Variants in GMEB2 observed in about 807,000 individuals in gnomAD.
GMEB2 encodes the protein glucocorticoid modulatory element binding protein 2.
Under a neutral mutation model 45.7 loss-of-function variants are expected in GMEB2, and 7 were observed. The observed-to-expected ratio is 0.15, with a 90% confidence interval of 0.09 to 0.29. The LOEUF (loss-of-function observed/expected upper bound fraction) is 0.29. Among genes scored for constraint, GMEB2 ranks in the 10% least tolerant of loss-of-function variants. The pLI, the probability that GMEB2 is intolerant of heterozygous loss-of-function variation, is 1.00. For missense variants in GMEB2, 582 were observed against 739.2 expected, an observed-to-expected ratio of 0.79 and a Z score of 2.47; for synonymous variants, 322 against 323.6, an observed-to-expected ratio of 1.00 and a Z score of 0.05.
At chr20:63,621,218 T>C (rs1197107569) in intron 1 of GMEB2, among the ~76,000 whole-genome samples, 2 of 151,562 alleles carry the variant, frequency 1.3e-5, no homozygotes, top group Non-Finnish European at 2.9e-5. Flanking sequence ...AGAAAGAAAG[T>C]AGAACAGAAG....
chr20:63,603,623 G>A (rs537910975), intron 3 of GMEB2, among the ~76,000 whole-genome samples: 2 of 152,242 alleles, frequency 1.3e-5, no homozygotes. Context: ...CAGCTACTGG[G>A]AAGGCTGAGG....
chr20:63,606,386 C>T (rs1379242679), intron 2 of GMEB2, among the ~76,000 whole-genome samples: 2 of 141,708 alleles, frequency 1.4e-5, no homozygotes, highest in Non-Finnish European at 3.0e-5. Context: ...CTCGCTCTGT[C>T]GCTCAGGCTG....
In GMEB2 at chr20:63,593,182, CATCT is replaced by C. The variant is rs2083165102; in HGVS notation, c.620-104_620-101del. The C allele has an allele frequency of 1.4e-6, 1 of 722,790 alleles. No individual in the cohort carries two copies. Among genetic ancestry groups the C allele is most frequent in the Admixed American group, 2.1e-5 (1 of 48,140 alleles). The allele number at this position is 722,790 out of a possible 1,614,324, so 44.8% of individuals were successfully genotyped here. ...CCTCACACCACCTTCTGAACCTTTC[CATCT>C]GTCTTCACAAAACTGACAAACACAG... is the stretch of plus-strand genomic sequence containing the variant. On this transcript the variant is annotated intron_variant, in intron 6 of 9. Coordinates refer to ENST00000370077, the MANE Select transcript of GMEB2 (RefSeq NM_012384.5). This position sits in a 1 kb window ranked among gnomAD's most constrained non-coding sequence, Gnocchi z 4.7.
At position 63,592,252 on chromosome 20, in the gene GMEB2, G is replaced by A. The variant is rs1231338698; in HGVS notation, c.830-108C>T. 21 of 1,056,392 alleles carry A rather than the reference G, an allele frequency of 2.0e-5. No individual in the cohort carries two copies. Among genetic ancestry groups the A allele is most frequent in the South Asian group, 4.5e-5 (3 of 66,436 alleles). 65.4% of individuals were successfully genotyped at this position (1,056,392 alleles called of 1,614,324 possible). A position where few individuals can be genotyped will look rare whatever the true frequency, so the allele number is the denominator to read the frequency against. On this transcript the variant is annotated intron_variant, in intron 8 of 9. Coordinates refer to ENST00000370077, the MANE Select transcript of GMEB2 (RefSeq NM_012384.5). The surrounding 1 kb of genome is among the most constrained non-coding windows in gnomAD (Gnocchi z 8.2). ...TTCCTAGAGAGTCACGTGGACGCTC[G>A]GTGAGAGCCTGGGCTCTTCCTAGAG...
chr20:63,617,848 G>C (rs1436767831), intron 2 of GMEB2, among the ~76,000 whole-genome samples: 1 of 152,074 alleles, frequency 6.6e-6, no homozygotes, highest in Admixed American at 6.5e-5. Flanking sequence ...ACGCCTGGGT[G>C]GGTGACACGA....
intron 5 of GMEB2, among the ~76,000 whole-genome samples, 196 bp from the exon 6 acceptor site, chr20:63,595,963 C>T (rs1350444993): frequency 6.6e-6 from 1 of 152,222 alleles, no homozygotes; most frequent in Non-Finnish European, 1.5e-5. Context: ...GAAGAAGCAG[C>T]CGGCCCAGGC....
At position 63,619,808 on chromosome 20, in the gene GMEB2, T is replaced by A; in HGVS notation, c.-57-354A>T. The A allele has an allele frequency of 6.4e-6, 1 of 156,686 alleles. No homozygotes were observed. Among genetic ancestry groups the A allele is most frequent in the Non-Finnish European group, 1.4e-5 (1 of 70,974 alleles). The allele number at this position is 156,686 out of a possible 1,614,324, so 9.7% of individuals were successfully genotyped here. A position where few individuals can be genotyped will look rare whatever the true frequency, so the allele number is the denominator to read the frequency against. On this transcript the variant is annotated intron_variant, in intron 1 of 9. Coordinates refer to ENST00000370077, the MANE Select transcript of GMEB2 (RefSeq NM_012384.5). The surrounding 1 kb of genome is among the most constrained non-coding windows in gnomAD (Gnocchi z 4.6). Reference sequence around the variant, plus strand: ...GCCAGTTCTTCCGTCTCTCCTGGCCTGAACTCAAAGCCAGCCCCAATCCCT... The same window carrying A: ...GCCAGTTCTTCCGTCTCTCCTGGCCAGAACTCAAAGCCAGCCCCAATCCCT...
chr20:63,602,955 C>T lies in GMEB2; in HGVS notation c.357+10G>A, dbSNP rs374696924. On this transcript the variant is annotated intron_variant, in intron 4 of 9. Coordinates refer to ENST00000370077, the MANE Select transcript of GMEB2 (RefSeq NM_012384.5). ...CTCTCTCCTGGGCCCTGAATGCAGC[C>T]TGTGCTCACCTGAACACATTTCACA... The T allele has an allele frequency of 9.9e-5, 159 of 1,613,062 alleles. No homozygotes were observed. The highest frequency in any genetic ancestry group is 1.3e-4 in the Non-Finnish European group (150 of 1,179,290).
At chr20:63,620,467 G>A (rs1052313598) in intron 1 of GMEB2, among the ~76,000 whole-genome samples, 4 of 152,208 alleles carry the variant, frequency 2.6e-5, no homozygotes, top group Non-Finnish European at 5.9e-5. Context: ...GAGTGTGGGG[G>A]AGGCGACAAG....
rs77804193 is a variant in GMEB2, at chr20:63,589,427, C to T, written c.*662G>A. ...CATGTGCAACAATGCCTGGACCACG[C>T]CTCGTCTGTGCGGCCCCTGGGCCAC... On this transcript the variant is annotated 3_prime_UTR_variant, in exon 10 of 10. Coordinates refer to ENST00000370077, the MANE Select transcript of GMEB2 (RefSeq NM_012384.5). The T allele has an allele frequency of 1.6e-3, 587 of 367,260 alleles. 14 individuals are homozygous for T. In the East Asian group the frequency reaches 0.023, roughly 14 times the overall value. The allele number at this position is 367,260 out of a possible 1,614,324, so 22.8% of individuals were successfully genotyped here.
intron 2 of GMEB2, among the ~76,000 whole-genome samples, chr20:63,610,549 T>C (rs2089561613): frequency 2.0e-5 from 3 of 151,780 alleles, no homozygotes; most frequent in Admixed American, 2.0e-4. Flanking sequence ...AAAAAAAACA[T>C]GTAGCAAGAG....
At position 63,620,067 on chromosome 20, in the gene GMEB2, C is replaced by A. The variant is rs146677309; in HGVS notation, c.-57-613G>T. Among the ~76,000 whole-genome samples, 1,029 of 152,306 alleles carry A rather than the reference C, an allele frequency of 6.8e-3. 12 individuals are homozygous for A. Among genetic ancestry groups the A allele is most frequent in the African/African-American group, 0.023 (963 of 41,574 alleles). On this transcript the variant is annotated intron_variant, in intron 1 of 9. Transcript: ENST00000370077. Reference sequence around the variant, plus strand: ...GGTTCAAGTGATTCTCCTGCCTCAGCCTCTCCAATTGCTGGGATTACAGGT... The same window carrying A: ...GGTTCAAGTGATTCTCCTGCCTCAGACTCTCCAATTGCTGGGATTACAGGT...
chr20:63,612,505 G>A (rs550058483), intron 2 of GMEB2, among the ~76,000 whole-genome samples: 17 of 152,296 alleles, frequency 1.1e-4, no homozygotes, highest in Admixed American at 2.0e-4. Context: ...GGCGGGAGGC[G>A]GACGAATGGA....
In GMEB2 at chr20:63,589,896, A is replaced by T. The variant is rs311497; in HGVS notation, c.*193T>A. On this transcript the variant is annotated 3_prime_UTR_variant, in exon 10 of 10. Transcript: ENST00000370077. ...GAGGAAACGTGGGACCTGAAGACCG[A>T]TTTTCCAGGTTGCTCTCGCTGTTCT... 2 of 432,226 alleles carry T rather than the reference A, an allele frequency of 4.6e-6. No homozygotes were observed. The highest frequency in any genetic ancestry group is 6.9e-5 in the East Asian group (2 of 28,920). The allele number at this position is 432,226 out of a possible 1,614,324, so 26.8% of individuals were successfully genotyped here.
intron 2 of GMEB2, among the ~76,000 whole-genome samples, chr20:63,613,115 T>C (rs1168321438): frequency 1.3e-5 from 2 of 152,098 alleles, no homozygotes; most frequent in Non-Finnish European, 2.9e-5. Flanking sequence ...GTGCCTGCCA[T>C]TGGGTGTTTT....
intron 2 of GMEB2, among the ~76,000 whole-genome samples, chr20:63,615,282 G>A (rs148706531): frequency 6.6e-6 from 1 of 152,120 alleles, no homozygotes; most frequent in Non-Finnish European, 1.5e-5. Flanking sequence ...CTCCAACTTG[G>A]ACAAACCAAC....
rs972529548 is a variant in GMEB2 at position 63,619,338 on chromosome 20, G to A, written c.60C>T (p.Asp20=). ...MEEVVVVTTP[D]TAVDGSGVEG... ...CCACACCACTGCCGTCCACTGCAGT[G>A]TCCGGAGTTGTCACAACCACCACCT... The change falls in exon 2 of 10, where the codon GAC becomes GAT. Residue 20 remains aspartate (D), a synonymous_variant. Transcript: ENST00000370077. The surrounding 1 kb of genome is among the most constrained non-coding windows in gnomAD (Gnocchi z 4.6). 3.7e-6 allele frequency: 6 copies of A among 1,613,046 alleles called. No homozygotes were observed. Among genetic ancestry groups the A allele is most frequent in the Middle Eastern group, 3.3e-4 (2 of 6,062 alleles).
Position 63,590,398 on chromosome 20 carries a change from G to A in GMEB2, c.1284C>T (p.Leu428=), listed in dbSNP as rs758687062. The change falls in exon 10 of 10, where the codon CTC becomes CTT. Residue 428 remains leucine (L), a synonymous_variant. Coordinates refer to ENST00000370077, the MANE Select transcript of GMEB2 (RefSeq NM_012384.5). Reference sequence around the variant, plus strand: ...AAGAGGCCAAGACTGTGTATCCCCCGAGCAGCGGGGAGGCCGGGGAGCTGG... The same window carrying A: ...AAGAGGCCAAGACTGTGTATCCCCCAAGCAGCGGGGAGGCCGGGGAGCTGG... ...PPASSPASPL[L]GGYTVLASSG... The A allele has an allele frequency of 1.1e-5, 18 of 1,583,872 alleles. No individual in the cohort carries two copies. Among genetic ancestry groups the A allele is most frequent in the Middle Eastern group, 1.7e-4 (1 of 5,970 alleles).
chr20:63,611,864 G>A (rs866978267), intron 2 of GMEB2, among the ~76,000 whole-genome samples: 78 of 152,188 alleles, frequency 5.1e-4, no homozygotes, highest in Admixed American at 7.2e-4. Flanking sequence ...AGGCGTGGTG[G>A]CACATGCCTG....
Sources: allele counts gnomAD v4.1 joint callset (sites outside exome capture counted in the v4.1 genomes callset), GRCh38; gene constraint gnomAD v4.1.1; non-coding constraint Gnocchi (gnomAD v3.1); transcripts MANE v1.5; gene names NCBI Gene and HGNC (gene_info 2026-07-23, HGNC 2026-07-21).